The following KDM5A variants were observed in gnomAD, a reference collection of about 807,000 sequenced individuals.
KDM5A encodes the protein lysine demethylase 5A.
A neutral mutation model predicts 193.5 loss-of-function variants in KDM5A; 42 were observed. The ratio of observed to expected loss-of-function variants is 0.22; its 90% CI spans 0.17 to 0.28. The LOEUF is 0.28. Among genes scored for constraint, KDM5A ranks in the 10% least tolerant of loss-of-function variants. The pLI is 1.00. For synonymous variants in KDM5A, 796 were observed against 718.1 expected (o/e 1.11, Z -1.73); for missense variants, 1,692 against 2,055.1 (o/e 0.82, Z 3.42).
intron 27 of KDM5A, among the ~76,000 whole-genome samples, chr12:291,682 A>G (rs1943296055): frequency 6.6e-6 from 1 of 152,212 alleles, no homozygotes. Flanking sequence ...AATTCTAAAT[A>G]TCAAATAGTA....
chr12:337,703 C>T (rs1235806017), intron 10 of KDM5A, among the ~76,000 whole-genome samples: 3 of 149,142 alleles, frequency 2.0e-5, no homozygotes, highest in African/African-American at 7.5e-5. Context: ...AATGTAGTGG[C>T]ACAATCTCAG....
At chr12:335,210 G>C (rs1943914325) in intron 10 of KDM5A, among the ~76,000 whole-genome samples, 1 of 152,222 alleles carries the variant, frequency 6.6e-6, no homozygotes, top group Non-Finnish European at 1.5e-5. Flanking sequence ...GGAAGCTGTT[G>C]CAAGAGTTTT....
chr12:349,890 G>A (rs1944132181), intron 10 of KDM5A, among the ~76,000 whole-genome samples: 1 of 151,978 alleles, frequency 6.6e-6, no homozygotes, highest in East Asian at 2.0e-4. Flanking sequence ...AGCACTCTGG[G>A]AGGCCGAGAC....
Position 284,111 on chromosome 12 carries a change from C to A in KDM5A, c.*1345G>T, listed in dbSNP as rs1366808629. 8.7e-6 allele frequency: 2 copies of A among 230,980 alleles called. No individual in the cohort carries two copies. The highest frequency in any genetic ancestry group is 5.7e-5 in the Admixed American group (1 of 17,606). The allele number at this position is 230,980 out of a possible 1,614,324, so 14.3% of individuals were successfully genotyped here. A position where few individuals can be genotyped will look rare whatever the true frequency, so the allele number is the denominator to read the frequency against. On this transcript the variant is annotated 3_prime_UTR_variant, in exon 28 of 28. Coordinates refer to ENST00000399788, the MANE Select transcript of KDM5A (RefSeq NM_001042603.3). ...GAGGAGGGAGTGCTAACTCCTTGTA[C>A]TACAAAGAAGGAATGGGATTTTTTT...
At position 386,026 on chromosome 12, in the gene KDM5A, G is replaced by A. The variant is rs149533047; in HGVS notation, c.166-52C>T. 3.9e-3 allele frequency: 5,463 copies of A among 1,383,112 alleles called. 17 individuals carry two copies. Among genetic ancestry groups the A allele is most frequent in the Non-Finnish European group, 4.3e-3 (4,211 of 971,472 alleles). The allele number at this position is 1,383,112 out of a possible 1,614,324, so 85.7% of individuals were successfully genotyped here. On this transcript the variant is annotated intron_variant, in intron 1 of 27. Coordinates refer to ENST00000399788, the MANE Select transcript of KDM5A (RefSeq NM_001042603.3). ...ACACAGTGGTATGTAAACAAGGAAT[G>A]CATTAATTATTCCCTTAAAGGGGGG...
At chr12:317,845 C>A (rs1364012892) in intron 19 of KDM5A, among the ~76,000 whole-genome samples, 1 of 152,190 alleles carries the variant, frequency 6.6e-6, no homozygotes, top group Non-Finnish European at 1.5e-5. Flanking sequence ...CACTGACCTG[C>A]ACCTCTCCGG....
chr12:337,490 T>A (rs1380062044), intron 10 of KDM5A, among the ~76,000 whole-genome samples: 1 of 152,094 alleles, frequency 6.6e-6, no homozygotes, highest in South Asian at 2.1e-4. Context: ...GGAAGAGTCA[T>A]ACGCAAAAAC....
chr12:337,539 T>C (rs1277691929), intron 10 of KDM5A, among the ~76,000 whole-genome samples: 3 of 152,146 alleles, frequency 2.0e-5, no homozygotes, highest in Non-Finnish European at 2.9e-5. Context: ...AGATCTTTAA[T>C]CTTAAGTTTT....
At chr12:336,359 A>G (rs1214718997) in intron 10 of KDM5A, among the ~76,000 whole-genome samples, 1 of 106,496 alleles carries the variant, frequency 9.4e-6, no homozygotes, top group South Asian at 2.8e-4. Flanking sequence ...CTGTCTCACT[A>G]AAAAAAAAAA....
At chr12:332,018 T>C in intron 12 of KDM5A, 80 bp from the exon 13 acceptor site, 5 of 1,328,390 alleles carry the variant, frequency 3.8e-6, no homozygotes, top group Admixed American at 1.9e-5. Flanking sequence ...TATTAGATAA[T>C]TTCAGATGCA....
chr12:371,519 G>A (rs1189654400), intron 3 of KDM5A, among the ~76,000 whole-genome samples: 6 of 152,192 alleles, frequency 3.9e-5, no homozygotes, highest in South Asian at 2.1e-4. Flanking sequence ...TTTGTCAGAT[G>A]AGTAGACTGC....
intron 10 of KDM5A, among the ~76,000 whole-genome samples, chr12:340,410 T>C (rs1565539065): frequency 1.3e-5 from 2 of 152,030 alleles, no homozygotes; most frequent in Non-Finnish European, 2.9e-5. Context: ...AAACTATCAT[T>C]ATCAGTCGGG....
intron 27 of KDM5A, among the ~76,000 whole-genome samples, chr12:287,211 T>C (rs184410011): frequency 8.6e-4 from 131 of 152,208 alleles, no homozygotes; most frequent in African/African-American, 3.0e-3. Context: ...GAATCATCTA[T>C]TGTGTTTGTT....
intron 24 of KDM5A, among the ~76,000 whole-genome samples, chr12:303,945 A>G (rs554755517): frequency 1.4e-4 from 21 of 152,368 alleles, no homozygotes; most frequent in Admixed American, 2.6e-4. Flanking sequence ...GTCTTTGAAT[A>G]AAGTTGTTTT....
At position 282,071 on chromosome 12, in the gene KDM5A, C is replaced by A. The variant is rs916431310; in HGVS notation, c.*3385G>T. The A allele has an allele frequency of 1.2e-5, 4 of 329,342 alleles. No individual in the cohort carries two copies. Among genetic ancestry groups the A allele is most frequent in the Non-Finnish European group, 2.3e-5 (4 of 170,788 alleles). The allele number at this position is 329,342 out of a possible 1,614,324, so 20.4% of individuals were successfully genotyped here. A position where few individuals can be genotyped will look rare whatever the true frequency, so the allele number is the denominator to read the frequency against. ...CAGAAGCGCAGAAGCAAAGCCCAGG[C>A]AGAACCATGCTAACCTTACAGCTCA... On this transcript the variant is annotated 3_prime_UTR_variant, in exon 28 of 28. Transcript: ENST00000399788.
intron 1 of KDM5A, among the ~76,000 whole-genome samples, chr12:387,539 A>G (rs1353131974): frequency 6.6e-6 from 1 of 152,240 alleles, no homozygotes; most frequent in East Asian, 1.9e-4. Context: ...GTATCATCAT[A>G]GCAATTATTT....
chr12:370,063 G>A (rs1944406301), intron 3 of KDM5A, among the ~76,000 whole-genome samples: 1 of 152,004 alleles, frequency 6.6e-6, no homozygotes, highest in Non-Finnish European at 1.5e-5. Context: ...GTTTTTCTTT[G>A]GCTGGCAGAT....
At chr12:379,196 C>T (rs938021041) in intron 3 of KDM5A, among the ~76,000 whole-genome samples, 5 of 151,972 alleles carry the variant, frequency 3.3e-5, no homozygotes, top group African/African-American at 9.7e-5. Flanking sequence ...TTAATAGATG[C>T]CAACAAACTG....
chr12:355,355 T>C lies in KDM5A; in HGVS notation c.779-106A>G, dbSNP rs1944218876. On this transcript the variant is annotated intron_variant, in intron 6 of 27. Transcript: ENST00000399788. The stretch of plus-strand genomic sequence containing the variant: ...TAAATTAGTTAAAATCTTACAACTG[T>C]TTATCTAGAGGTAGATATACTATTT... 1.4e-5 allele frequency: 10 copies of C among 737,042 alleles called. No homozygotes were observed. In the East Asian group the frequency reaches 2.7e-4, roughly 20 times the overall value. 45.7% of individuals were successfully genotyped at this position (737,042 alleles called of 1,614,324 possible).
Sources: allele counts gnomAD v4.1 joint callset (sites outside exome capture counted in the v4.1 genomes callset), GRCh38; gene constraint gnomAD v4.1.1; transcripts MANE v1.5; gene names NCBI Gene and HGNC (gene_info 2026-07-23, HGNC 2026-07-21).